The following PTPRD variants were observed in gnomAD, a reference collection of about 807,000 sequenced individuals.
PTPRD encodes the protein protein tyrosine phosphatase receptor type D, also known as receptor-type tyrosine-protein phosphatase delta.
A neutral mutation model predicts 214.5 loss-of-function variants in PTPRD; 34 were observed. The ratio of observed to expected loss-of-function variants is 0.16; its 90% CI spans 0.12 to 0.21. The LOEUF (loss-of-function observed/expected upper bound fraction) is 0.21. Ranked by LOEUF, PTPRD falls within the 10% of genes least tolerant of loss-of-function variation. PTPRD has a pLI of 1.00. For synonymous variants in PTPRD, 1,128 were observed against 845.7 expected, an observed-to-expected ratio of 1.33 and a Z score of -5.79; for missense variants, 2,545 against 2,398.7, an observed-to-expected ratio of 1.06 and a Z score of -1.27.
intron 5 of PTPRD, among the ~76,000 whole-genome samples, chr9:9,930,108 G>A (rs2085907561): frequency 1.3e-5 from 2 of 152,314 alleles, no homozygotes; most frequent in South Asian, 2.1e-4. Flanking sequence ...AGGGCTGGGA[G>A]CTCCAGGAGT....
intron 11 of PTPRD, among the ~76,000 whole-genome samples, chr9:8,745,089 C>T (rs544696600): frequency 6.6e-6 from 1 of 152,314 alleles, no homozygotes; most frequent in African/African-American, 2.4e-5. Context: ...GCCCTCTTCA[C>T]ATCTACTCCC....
In PTPRD at chr9:10,007,529, T is replaced by G. The variant is rs145184597; in HGVS notation, c.-472+26189A>C. 1.1e-4 allele frequency among the ~76,000 whole-genome samples: 17 copies of G among 152,140 alleles called. No homozygotes were observed. The East Asian group carries it at 3.3e-3, about 29-fold the overall frequency. ...CCATCTGTTTGGATGGTTTGGGCAC[T>G]AAATTGCAAAGCATTAAAGAGCTGA... On this transcript the variant is annotated intron_variant, in intron 4 of 45. Coordinates refer to ENST00000381196, the MANE Select transcript of PTPRD (RefSeq NM_002839.4).
At chr9:9,538,938 G>A (rs2077039349) in intron 8 of PTPRD, among the ~76,000 whole-genome samples, 1 of 151,756 alleles carries the variant, frequency 6.6e-6, no homozygotes, top group Non-Finnish European at 1.5e-5. Flanking sequence ...TATTTTCTGA[G>A]TACTTCCTAG....
chr9:9,250,118 A>ACAGT (rs1464390033), intron 9 of PTPRD, among the ~76,000 whole-genome samples: 4 of 152,076 alleles, frequency 2.6e-5, no homozygotes, highest in Non-Finnish European at 5.9e-5. Flanking sequence ...CACACCATGA[A>ACAGT]CAGTCGCATA....
At chr9:9,929,465 C>G (rs2085580638) in intron 5 of PTPRD, among the ~76,000 whole-genome samples, 1 of 152,182 alleles carries the variant, frequency 6.6e-6, no homozygotes, top group Non-Finnish European at 1.5e-5. Context: ...GTGATCTTGT[C>G]TCACTGCAAC....
At chr9:9,497,443 G>A (rs939038266) in intron 8 of PTPRD, among the ~76,000 whole-genome samples, 4 of 152,068 alleles carry the variant, frequency 2.6e-5, no homozygotes, top group African/African-American at 9.7e-5. Flanking sequence ...GTTTTTAAAT[G>A]ACTCACTTTG....
chr9:8,640,071 C>A (rs1222789590), intron 12 of PTPRD, among the ~76,000 whole-genome samples: 1 of 152,126 alleles, frequency 6.6e-6, no homozygotes, highest in Non-Finnish European at 1.5e-5. Flanking sequence ...GCTGGGAGCA[C>A]AACCACACAC....
intron 9 of PTPRD, among the ~76,000 whole-genome samples, chr9:9,191,107 G>C (rs1400691257): frequency 6.6e-6 from 1 of 152,134 alleles, no homozygotes; most frequent in East Asian, 1.9e-4. Flanking sequence ...TTGCCGATTA[G>C]ATTATAAAAA....
At chr9:9,630,855 T>G (rs10977896) in intron 7 of PTPRD, among the ~76,000 whole-genome samples, 37,720 of 152,086 alleles carry the variant, frequency 0.25, 5,540 homozygotes, top group Non-Finnish European at 0.33. Context: ...GGACGTAGAA[T>G]GTACTTATAT....
intron 7 of PTPRD, among the ~76,000 whole-genome samples, chr9:9,641,097 GC>G (rs1408640848): frequency 6.6e-6 from 1 of 152,228 alleles, no homozygotes; most frequent in Non-Finnish European, 1.5e-5. Flanking sequence ...GCTTTAAATA[GC>G]TCAATGGAAA....
At chr9:9,448,419 A>C (rs566336102) in intron 8 of PTPRD, among the ~76,000 whole-genome samples, 4 of 151,884 alleles carry the variant, frequency 2.6e-5, no homozygotes, top group Non-Finnish European at 5.9e-5. Context: ...ATGGTTTCCT[A>C]AGTGTTTGCA....
chr9:8,498,630 A>G (rs1462736649), intron 25 of PTPRD, among the ~76,000 whole-genome samples: 1 of 152,176 alleles, frequency 6.6e-6, no homozygotes, highest in African/African-American at 2.4e-5. Context: ...CATTTGAAAT[A>G]AATTTCAAAT....
At chr9:9,781,027 G>A (rs576447262) in intron 5 of PTPRD, among the ~76,000 whole-genome samples, 2 of 152,278 alleles carry the variant, frequency 1.3e-5, no homozygotes, top group African/African-American at 4.8e-5. Context: ...GGTTGGCAGG[G>A]AGGGTGGAGA....
At chr9:9,211,685 G>A (rs1305363130) in intron 9 of PTPRD, among the ~76,000 whole-genome samples, 1 of 152,134 alleles carries the variant, frequency 6.6e-6, no homozygotes, top group Non-Finnish European at 1.5e-5. Flanking sequence ...CATGTAACAT[G>A]TTTAAGAGAA....
At chr9:9,850,218 C>G (rs1195228595) in intron 5 of PTPRD, among the ~76,000 whole-genome samples, 1 of 152,154 alleles carries the variant, frequency 6.6e-6, no homozygotes, top group East Asian at 1.9e-4. Context: ...TACTGAAACG[C>G]TAATCTTTCC....
At chr9:9,520,788 G>A (rs754434809) in intron 8 of PTPRD, among the ~76,000 whole-genome samples, 2 of 152,116 alleles carry the variant, frequency 1.3e-5, no homozygotes, top group African/African-American at 4.8e-5. Context: ...AGAACTGTGG[G>A]ATTTCATTAA....
chr9:10,444,513 T>C (rs2098784784), intron 2 of PTPRD, among the ~76,000 whole-genome samples: 1 of 151,890 alleles, frequency 6.6e-6, no homozygotes, highest in Non-Finnish European at 1.5e-5. Flanking sequence ...GTGATATTAT[T>C]CTACTTTAAC....
intron 5 of PTPRD, among the ~76,000 whole-genome samples, chr9:9,889,609 C>T (rs2072444208): frequency 6.6e-6 from 1 of 152,012 alleles, no homozygotes; most frequent in Admixed American, 6.6e-5. Flanking sequence ...GCCTCTCAGC[C>T]CCAATTCCAC....
intron 11 of PTPRD, among the ~76,000 whole-genome samples, chr9:8,952,799 AAAGAAAAGGAATTTAAACAGTTG>A (rs1332633091): frequency 1.3e-4 from 19 of 151,986 alleles, no homozygotes; most frequent in African/African-American, 4.1e-4. Flanking sequence ...AAGGTGAAAG[AAAGAAAAGGAATTTAAACAGTTG>A]AAGAATTTTT....
Sources: allele counts gnomAD v4.1 joint callset (sites outside exome capture counted in the v4.1 genomes callset), GRCh38; gene constraint gnomAD v4.1.1; transcripts MANE v1.5; gene names NCBI Gene and HGNC (gene_info 2026-07-23, HGNC 2026-07-21).